The following FCER1A variants were observed in gnomAD, a reference collection of about 807,000 sequenced individuals.
The protein encoded by FCER1A is Fc epsilon receptor Ia, also known as high affinity immunoglobulin epsilon receptor subunit alpha.
A neutral mutation model predicts 23.6 loss-of-function variants in FCER1A; 24 were observed. That is an observed-to-expected ratio of 1.02 (90% confidence interval 0.74 to 1.43). The LOEUF (loss-of-function observed/expected upper bound fraction) is 1.43. Ranked by LOEUF, FCER1A falls within the 40% of genes most tolerant of loss-of-function variation. The pLI is 0.00. For synonymous variants in FCER1A, 121 were observed against 108.8 expected, an observed-to-expected ratio of 1.11 and a Z score of -0.70; for missense variants, 318 against 294.5, an observed-to-expected ratio of 1.08 and a Z score of -0.58.
In FCER1A at chr1:159,307,878, G is replaced by C; in HGVS notation, c.720G>C (p.Arg240Ser). The C allele has an allele frequency of 6.2e-7, 1 of 1,613,434 alleles. No homozygotes were observed. Among genetic ancestry groups the C allele is most frequent in the Non-Finnish European group, 8.5e-7 (1 of 1,179,526 alleles). ...TTCTCTTGAAGATTAAGAGAACCAG[G>C]AAAGGCTTCAGACTTCTGAACCCAC... is the stretch of plus-strand genomic sequence containing the variant. ...VTFLLKIKRT[R>S]KGFRLLNPHP... Residue 240 changes from arginine (R) to serine (S), a missense_variant, in exon 5 of 5, where the codon AGG (arginine) becomes AGC (serine). Physicochemically the swap from Arg to Ser is moderately radical, Grantham distance 110. Coordinates refer to ENST00000693622, the MANE Select transcript of FCER1A (RefSeq NM_001387280.1).
At chr1:159,298,305 T>A (rs1192424678), upstream of FCER1A, among the ~76,000 whole-genome samples, 1 of 152,128 alleles carries the variant, frequency 6.6e-6, no homozygotes, top group Non-Finnish European at 1.5e-5. Context: ...TGAAATGTGG[T>A]CCCCAATGTT....
rs572416083 is a variant in FCER1A at position 159,302,994 on chromosome 1, A to G, written c.76+120A>G. 8 of 975,762 alleles carry G rather than the reference A, an allele frequency of 8.2e-6. No homozygotes were observed. In the African/African-American group the frequency reaches 1.3e-4, roughly 16 times the overall value. The allele number at this position is 975,762 out of a possible 1,614,324, so 60.4% of individuals were successfully genotyped here. A position where few individuals can be genotyped will look rare whatever the true frequency, so the allele number is the denominator to read the frequency against. On this transcript the variant is annotated intron_variant, in intron 2 of 4. Transcript: ENST00000693622. ...ATGAGCATGAATCTGTTCCTTGGCC[A>G]GACTACTTTCCCTCTCCACCTTGCC...
At chr1:159,301,691 C>T (rs949111230), upstream of FCER1A, among the ~76,000 whole-genome samples, 3 of 152,166 alleles carry the variant, frequency 2.0e-5, no homozygotes, top group African/African-American at 7.2e-5. Context: ...ACAAGAAAAG[C>T]GTTGGTAGCT....
At chr1:159,305,941 C>T in intron 3 of FCER1A, 47 bp from the exon 4 acceptor site, 1 of 1,542,122 alleles carries the variant, frequency 6.5e-7, no homozygotes, top group Admixed American at 1.7e-5. Flanking sequence ...TTCATTCTCT[C>T]TCTCTTCATT....
At chr1:159,288,636 A>T (rs1475740869), upstream of FCER1A, among the ~76,000 whole-genome samples, 2 of 152,194 alleles carry the variant, frequency 1.3e-5, no homozygotes, top group Non-Finnish European at 2.9e-5. Context: ...ATTAACCTAA[A>T]TATTTTAACC....
intron 3 of FCER1A, among the ~76,000 whole-genome samples, 157 bp downstream of exon 3, chr1:159,304,339 C>T (rs529156963): frequency 2.6e-4 from 40 of 152,294 alleles, no homozygotes; most frequent in Admixed American, 3.9e-4. Context: ...CAGTGGCTCA[C>T]GCCTGTAATC....
chr1:159,295,512 A>T (rs1652275175), intron 1 of FCER1A, among the ~76,000 whole-genome samples: 1 of 152,184 alleles, frequency 6.6e-6, no homozygotes, highest in Non-Finnish European at 1.5e-5. Context: ...ACAAATTCCT[A>T]ATTATAATAA....
upstream of FCER1A, among the ~76,000 whole-genome samples, chr1:159,300,285 A>G (rs1428519472): frequency 6.6e-6 from 1 of 152,170 alleles, no homozygotes; most frequent in East Asian, 1.9e-4. Context: ...GAAGCCTTTA[A>G]ATAGACTATT....
upstream of FCER1A, among the ~76,000 whole-genome samples, chr1:159,288,589 A>G (rs1652074545): frequency 6.6e-6 from 1 of 152,208 alleles, no homozygotes; most frequent in African/African-American, 2.4e-5. Context: ...TGGGTTATCA[A>G]CAGAGCTCTA....
chr1:159,296,787 A>G (rs1652302909), intron 1 of FCER1A, among the ~76,000 whole-genome samples: 1 of 152,166 alleles, frequency 6.6e-6, no homozygotes, highest in African/African-American at 2.4e-5. Flanking sequence ...ATACACATAC[A>G]TACATTCTCA....
rs1363039944 is a variant in FCER1A at position 159,303,810 on chromosome 1, A to G, written c.77-118A>G. 4.0e-6 allele frequency: 3 copies of G among 753,384 alleles called. No individual in the cohort carries two copies. In the African/African-American group the frequency reaches 5.3e-5, roughly 13 times the overall value. The allele number at this position is 753,384 out of a possible 1,614,324, so 46.7% of individuals were successfully genotyped here. Reference sequence around the variant, plus strand: ...AACAGGGTCTTATCACCAACAGAATAAGGACAGGTTGACCACTGATTGTCA... The same window carrying G: ...AACAGGGTCTTATCACCAACAGAATGAGGACAGGTTGACCACTGATTGTCA... On this transcript the variant is annotated intron_variant, in intron 2 of 4. Coordinates refer to ENST00000693622, the MANE Select transcript of FCER1A (RefSeq NM_001387280.1).
chr1:159,307,579 C>G (rs552483511), intron 4 of FCER1A, among the ~76,000 whole-genome samples, 169 bp from the exon 5 acceptor site: 3 of 152,320 alleles, frequency 2.0e-5, no homozygotes, highest in African/African-American at 7.2e-5. Context: ...AACAGAGCAA[C>G]TCAACCTAGT....
At position 159,306,346 on chromosome 1, in the gene FCER1A, T is replaced by C. The variant is rs1347623942; in HGVS notation, c.589+101T>C. On this transcript the variant is annotated intron_variant, in intron 4 of 4. Coordinates refer to ENST00000693622, the MANE Select transcript of FCER1A (RefSeq NM_001387280.1). The stretch of plus-strand genomic sequence containing the variant: ...GCTTGTAGAAGGGGGGCACCTGTGA[T>C]ACACTGGAAAGCCTACCAGACTTGC... 3.5e-6 allele frequency: 4 copies of C among 1,149,704 alleles called. No homozygotes were observed. In the Admixed American group the frequency reaches 9.4e-5, roughly 27 times the overall value. 71.2% of individuals were successfully genotyped at this position (1,149,704 alleles called of 1,614,324 possible).
chr1:159,291,243 G>C (rs907380009), intron 1 of FCER1A, among the ~76,000 whole-genome samples: 1 of 152,056 alleles, frequency 6.6e-6, no homozygotes, highest in Non-Finnish European at 1.5e-5. Flanking sequence ...GTTTTCCCCT[G>C]CTTTTGTGTA....
chr1:159,290,424 T>G (rs1306317352), intron 1 of FCER1A, among the ~76,000 whole-genome samples: 1 of 152,086 alleles, frequency 6.6e-6, no homozygotes, highest in Admixed American at 6.5e-5. Flanking sequence ...ACCCTAGCAG[T>G]GTCAGATTCT....
intron 1 of FCER1A, among the ~76,000 whole-genome samples, chr1:159,294,083 G>A (rs1272957563): frequency 6.6e-6 from 1 of 152,146 alleles, no homozygotes; most frequent in Non-Finnish European, 1.5e-5. Context: ...GTGCTGGAGA[G>A]GATGTGGAGA....
chr1:159,308,078 G>C lies in FCER1A; in HGVS notation c.*146G>C. 1.9e-6 allele frequency: 1 copy of C among 535,830 alleles called. No individual in the cohort carries two copies. The highest frequency in any genetic ancestry group is 3.2e-6 in the Non-Finnish European group (1 of 309,780). 33.2% of individuals were successfully genotyped at this position (535,830 alleles called of 1,614,324 possible). On this transcript the variant is annotated 3_prime_UTR_variant, in exon 5 of 5. Transcript: ENST00000693622. ...ATGCTTCATTAAACTGAGTGAAACT[G>C]GTTAAGTGGCATGTAATAGTAAGTG...
upstream of FCER1A, among the ~76,000 whole-genome samples, chr1:159,298,952 T>C (rs1031096773): frequency 3.3e-5 from 5 of 152,234 alleles, no homozygotes; most frequent in Non-Finnish European, 7.3e-5. Flanking sequence ...AATAAAGACA[T>C]CTTTATCTAT....
chr1:159,284,692 T>C, the FCER1A span, among the ~76,000 whole-genome samples: 6 of 152,332 alleles, frequency 3.9e-5, 1 homozygote, highest in African/African-American at 1.4e-4. Context: ...TATGCATTCA[T>C]ATGTGTGCAC....
Sources: gnomAD v4.1 joint callset for allele counts (sites outside exome capture counted in the v4.1 genomes callset) on GRCh38, gnomAD v4.1.1 for gene constraint, MANE v1.5 for transcripts, NCBI Gene and HGNC (gene_info 2026-07-23, HGNC 2026-07-21) for gene names.